ST6GALNAC3: variants seen among roughly 807,000 people sequenced by gnomAD.
The protein encoded by ST6GALNAC3 is ST6 N-acetylgalactosaminide alpha-2,6-sialyltransferase 3, also known as alpha-N-acetylgalactosaminide alpha-2,6-sialyltransferase 3.
A neutral mutation model predicts 32.7 loss-of-function variants in ST6GALNAC3; 25 were observed. That is an observed-to-expected ratio of 0.76 (90% confidence interval 0.56 to 1.07). The LOEUF is 1.07. ST6GALNAC3 is among the 50% of genes least tolerant of loss of function. The pLI is 0.00. For missense variants in ST6GALNAC3, 355 were observed against 382.4 expected (o/e 0.93, Z 0.60); for synonymous variants, 129 against 133.1 (o/e 0.97, Z 0.21).
At chr1:76,605,693 C>T (rs1385632371) in intron 3 of ST6GALNAC3, among the ~76,000 whole-genome samples, 4 of 151,516 alleles carry the variant, frequency 2.6e-5, no homozygotes, top group East Asian at 1.9e-4. Flanking sequence ...GGCGAAACCC[C>T]GTTACTACTA....
intron 3 of ST6GALNAC3, among the ~76,000 whole-genome samples, chr1:76,432,389 T>C (rs1328269750): frequency 1.3e-5 from 2 of 152,064 alleles, no homozygotes; most frequent in Non-Finnish European, 1.5e-5. Context: ...AAATGTTTTA[T>C]GTTATACGCT....
At chr1:76,315,389 C>T (rs1212220574) in intron 2 of ST6GALNAC3, among the ~76,000 whole-genome samples, 1 of 152,086 alleles carries the variant, frequency 6.6e-6, no homozygotes, top group African/African-American at 2.4e-5. Context: ...GAAGTATTCT[C>T]ATATGGGAAA....
intron 3 of ST6GALNAC3, among the ~76,000 whole-genome samples, chr1:76,502,179 TA>T (rs1410783671): frequency 1.3e-5 from 2 of 152,224 alleles, no homozygotes; most frequent in Non-Finnish European, 2.9e-5. Flanking sequence ...TGCCTCTACC[TA>T]TTTGAGATCA....
At chr1:76,158,449 G>C (rs1405087247) in intron 1 of ST6GALNAC3, among the ~76,000 whole-genome samples, 1 of 152,216 alleles carries the variant, frequency 6.6e-6, no homozygotes, top group African/African-American at 2.4e-5. Flanking sequence ...TGTAGGGCAG[G>C]TCATAACACC....
chr1:76,397,144 T>C (rs1653028602), intron 2 of ST6GALNAC3, among the ~76,000 whole-genome samples: 1 of 152,074 alleles, frequency 6.6e-6, no homozygotes, highest in African/African-American at 2.4e-5. Flanking sequence ...AAGGAATGAA[T>C]GACTCCAAAG....
rs922734703 is a variant in ST6GALNAC3 at position 76,318,115 on chromosome 1, TA to T, written c.213+4120del. On this transcript the variant is annotated intron_variant, in intron 2 of 4. Coordinates refer to ENST00000328299, the MANE Select transcript of ST6GALNAC3 (RefSeq NM_152996.4). ...CCCAGGGGAAATACAAAAATTAAAATAAAAGGAACACAGGAGAGATGTGGTT... is the reference window on the plus strand; with the variant it reads ...CCCAGGGGAAATACAAAAATTAAAATAAAGGAACACAGGAGAGATGTGGTT... 8.5e-5 allele frequency among the ~76,000 whole-genome samples: 11 copies of T among 128,924 alleles called. No homozygotes were observed. The South Asian group carries it at 2.2e-3, about 26-fold the overall frequency. 84.6% of individuals were successfully genotyped at this position (128,924 alleles called of 152,430 possible).
intron 3 of ST6GALNAC3, among the ~76,000 whole-genome samples, chr1:76,446,719 G>A (rs1019459132): frequency 2.6e-5 from 4 of 152,154 alleles, no homozygotes; most frequent in African/African-American, 9.7e-5. Flanking sequence ...TAAGTCTCAT[G>A]AGATCTGATG....
chr1:76,138,058 C>CTG (rs1437665886), intron 1 of ST6GALNAC3, among the ~76,000 whole-genome samples: 1 of 152,232 alleles, frequency 6.6e-6, no homozygotes. Context: ...TAAATGTACA[C>CTG]TGTGCATCAT....
intron 2 of ST6GALNAC3, among the ~76,000 whole-genome samples, chr1:76,325,532 G>A (rs1051419378): frequency 2.0e-5 from 3 of 151,548 alleles, no homozygotes; most frequent in Non-Finnish European, 4.4e-5. Flanking sequence ...GGCTTGGTAT[G>A]GTGTTGTATT....
At chr1:76,086,873 G>A (rs1197307541) in intron 1 of ST6GALNAC3, among the ~76,000 whole-genome samples, 1 of 152,102 alleles carries the variant, frequency 6.6e-6, no homozygotes, top group African/African-American at 2.4e-5. Context: ...ACTTGTGTTT[G>A]TTCTTTTATT....
chr1:76,549,443 AT>A (rs1291797757), intron 3 of ST6GALNAC3, among the ~76,000 whole-genome samples: 1 of 151,246 alleles, frequency 6.6e-6, no homozygotes, highest in Non-Finnish European at 1.5e-5. Flanking sequence ...TAAATATTAT[AT>A]TTTGTATAAA....
chr1:76,120,812 C>G (rs201502858), intron 1 of ST6GALNAC3, among the ~76,000 whole-genome samples: 10 of 152,190 alleles, frequency 6.6e-5, no homozygotes, highest in Admixed American at 4.6e-4. Context: ...GCTGCTGCAA[C>G]AAATTACCAC....
chr1:76,166,220 T>C (rs1237487528), intron 1 of ST6GALNAC3, among the ~76,000 whole-genome samples: 1 of 152,212 alleles, frequency 6.6e-6, no homozygotes, highest in African/African-American at 2.4e-5. Context: ...GTATTCTGCT[T>C]GTGGCTAGCC....
intron 1 of ST6GALNAC3, among the ~76,000 whole-genome samples, chr1:76,093,718 A>G (rs1017849991): frequency 1.4e-4 from 22 of 152,226 alleles, no homozygotes; most frequent in African/African-American, 5.1e-4. Flanking sequence ...GCTGAGAGAC[A>G]ACGCCAGAGG....
intron 3 of ST6GALNAC3, among the ~76,000 whole-genome samples, chr1:76,552,570 CTGT>C (rs1038618096): frequency 4.6e-5 from 7 of 152,248 alleles, no homozygotes; most frequent in African/African-American, 1.4e-4. Context: ...TGTAGAAATT[CTGT>C]TGTTACCTTT....
intron 3 of ST6GALNAC3, among the ~76,000 whole-genome samples, chr1:76,441,019 TG>T (rs1656543385): frequency 7.2e-6 from 1 of 138,130 alleles, no homozygotes; most frequent in South Asian, 2.3e-4. Flanking sequence ...ACTTGGGAGG[TG>T]GTGGTTGTGG....
intron 2 of ST6GALNAC3, among the ~76,000 whole-genome samples, chr1:76,411,064 C>T (rs895196459): frequency 2.0e-5 from 3 of 152,012 alleles, no homozygotes; most frequent in Non-Finnish European, 4.4e-5. Context: ...AGATGTATAT[C>T]AAAAAAGCAC....
chr1:76,571,220 T>A (rs1665839577), intron 3 of ST6GALNAC3, among the ~76,000 whole-genome samples: 2 of 152,126 alleles, frequency 1.3e-5, no homozygotes. Flanking sequence ...TACAAAGATA[T>A]CTTCTGAAAT....
chr1:76,530,498 C>T (rs577388858), intron 3 of ST6GALNAC3, among the ~76,000 whole-genome samples: 8 of 151,936 alleles, frequency 5.3e-5, no homozygotes, highest in Non-Finnish European at 1.2e-4. Context: ...AGAATGAAGC[C>T]GAACAGAGCT....
Sources: allele counts gnomAD v4.1 joint callset (sites outside exome capture counted in the v4.1 genomes callset), GRCh38; gene constraint gnomAD v4.1.1; transcripts MANE v1.5; gene names NCBI Gene and HGNC (gene_info 2026-07-23, HGNC 2026-07-21).